Variants in PDE2A observed in about 807,000 individuals in gnomAD.
PDE2A encodes the protein cGMP-dependent 3',5'-cyclic phosphodiesterase.
In PDE2A, 53 loss-of-function variants were observed where a neutral mutation model predicts 133.6. That is an observed-to-expected ratio of 0.40 (90% CI 0.32 to 0.50). The LOEUF (loss-of-function observed/expected upper bound fraction) is 0.50, where lower values mean the gene tolerates loss of function less well. Among genes scored for constraint, PDE2A ranks in the 20% least tolerant of loss-of-function variants. PDE2A has a pLI of 0.73. For synonymous variants in PDE2A, 491 were observed against 490.2 expected (o/e 1.00, Z -0.02); for missense variants, 796 against 1,232.4 (o/e 0.65, Z 5.30).
intron 20 of PDE2A, among the ~76,000 whole-genome samples, chr11:72,583,097 T>G (rs909184272): frequency 7.2e-5 from 11 of 152,208 alleles, no homozygotes; most frequent in Non-Finnish European, 1.6e-4. Flanking sequence ...GCATGGGCAT[T>G]GTACCTAGGG....
chr11:72,590,737 G>A lies in PDE2A; in HGVS notation c.550-157C>T, dbSNP rs1364635293. 6.6e-6 allele frequency among the ~76,000 whole-genome samples: 1 copy of A among 152,132 alleles called. No homozygotes were observed. Among genetic ancestry groups the A allele is most frequent in the Non-Finnish European group, 1.5e-5 (1 of 68,020 alleles). ...CCTCATCCCTGGACTCTACCTTCCTGAGGGCTCCCCCGGGGGCTCCCACAG... is the reference window on the plus strand; with the variant it reads ...CCTCATCCCTGGACTCTACCTTCCTAAGGGCTCCCCCGGGGGCTCCCACAG... On this transcript the variant is annotated intron_variant, in intron 7 of 30. Coordinates refer to ENST00000334456, the MANE Select transcript of PDE2A (RefSeq NM_002599.5). The surrounding 1 kb of genome is among the most constrained non-coding windows in gnomAD (Gnocchi z 4.8).
intron 1 of PDE2A, among the ~76,000 whole-genome samples, chr11:72,654,820 G>A (rs754620289): frequency 1.3e-5 from 2 of 152,112 alleles, no homozygotes; most frequent in African/African-American, 4.8e-5. Flanking sequence ...TTTGTCTGTC[G>A]AGGTCTCCAA....
At chr11:72,635,996 T>C in intron 2 of PDE2A, 1 of 1,248,702 alleles carries the variant, frequency 8.0e-7, no homozygotes, top group African/African-American at 1.5e-5. Flanking sequence ...CTCCCGAAAC[T>C]CCCATGCCCT....
At chr11:72,645,987 T>C (rs1270056332) in intron 1 of PDE2A, among the ~76,000 whole-genome samples, 1 of 152,262 alleles carries the variant, frequency 6.6e-6, no homozygotes, top group Non-Finnish European at 1.5e-5. Context: ...TCCTTGCTTC[T>C]TGAGCAAAGC....
chr11:72,655,492 TGTGTGTGTGTGCACGCAC>T (rs1854870566), intron 1 of PDE2A, among the ~76,000 whole-genome samples: 2 of 111,584 alleles, frequency 1.8e-5, no homozygotes, highest in Admixed American at 1.6e-4. Flanking sequence ...TGAGTGCCTG[TGTGTGTGTGTGCACGCAC>T]GTGTGTGTGT....
chr11:72,593,893 C>T (rs1174749113), intron 6 of PDE2A, among the ~76,000 whole-genome samples: 3 of 152,236 alleles, frequency 2.0e-5, no homozygotes, highest in African/African-American at 2.4e-5. Flanking sequence ...ACGTGTGATC[C>T]TATCCTTATT....
chr11:72,630,976 G>A, intron 2 of PDE2A: 1 of 934,946 alleles, frequency 1.1e-6, no homozygotes, highest in Admixed American at 2.1e-5. Context: ...TGTGACTCCA[G>A]CCTCCCCGTC....
intron 2 of PDE2A, among the ~76,000 whole-genome samples, chr11:72,622,805 C>T (rs969330726): frequency 6.6e-6 from 1 of 152,108 alleles, no homozygotes; most frequent in Non-Finnish European, 1.5e-5. Context: ...CACAACTGAA[C>T]TGTACACTTA....
intron 15 of PDE2A, 47 bp from the exon 16 acceptor site, chr11:72,585,481 C>G: frequency 6.2e-7 from 1 of 1,610,856 alleles, no homozygotes; most frequent in South Asian, 1.1e-5. Context: ...GCTGCCAAGA[C>G]CTCCCGCCTC....
chr11:72,629,497 G>T (rs970234486), intron 2 of PDE2A, among the ~76,000 whole-genome samples: 2 of 152,244 alleles, frequency 1.3e-5, no homozygotes, highest in Non-Finnish European at 2.9e-5. Flanking sequence ...TCTGGGGGGA[G>T]CCCCGCCCCA....
At position 72,577,317 on chromosome 11, in the gene PDE2A, T is replaced by G; in HGVS notation, c.*67A>C. On this transcript the variant is annotated 3_prime_UTR_variant, in exon 31 of 31. Coordinates refer to ENST00000334456, the MANE Select transcript of PDE2A (RefSeq NM_002599.5). ...CCAGGACCCGTGGCTCTGTTCCCAG[T>G]GCATCTGGCCAGACCAGTGGAGGGC... 5 of 1,261,458 alleles carry G rather than the reference T, an allele frequency of 4.0e-6. No individual in the cohort carries two copies. The South Asian group carries it at 6.5e-5, about 17-fold the overall frequency. 78.1% of individuals were successfully genotyped at this position (1,261,458 alleles called of 1,614,324 possible). A position where few individuals can be genotyped will look rare whatever the true frequency, so the allele number is the denominator to read the frequency against.
intron 23 of PDE2A, 97 bp from the exon 24 acceptor site, chr11:72,581,070 C>G: frequency 1.1e-6 from 1 of 895,736 alleles, no homozygotes; most frequent in East Asian, 2.4e-5. Flanking sequence ...TGCCCAGGAG[C>G]CACTGGGACA....
At chr11:72,584,395 G>T (rs781126703) in intron 18 of PDE2A, 82 bp from the exon 19 acceptor site, 2 of 1,227,496 alleles carry the variant, frequency 1.6e-6, no homozygotes, top group Non-Finnish European at 2.4e-6. Context: ...ACCTGCCCTC[G>T]CAGTTTCCGC....
chr11:72,619,410 T>C (rs993413992), intron 2 of PDE2A, among the ~76,000 whole-genome samples: 1 of 152,088 alleles, frequency 6.6e-6, no homozygotes. Flanking sequence ...CATCACATCA[T>C]CATGGCAGAC....
chr11:72,670,689 A>G (rs1478460103), intron 1 of PDE2A, among the ~76,000 whole-genome samples: 1 of 151,874 alleles, frequency 6.6e-6, no homozygotes, highest in African/African-American at 2.4e-5. Flanking sequence ...CTCTGCCTAG[A>G]TGTGTTCTTG....
rs1855547663 is a variant in PDE2A at position 72,578,111 on chromosome 11, C to A, written c.2615+122G>T. On this transcript the variant is annotated intron_variant, in intron 30 of 30. Coordinates refer to ENST00000334456, the MANE Select transcript of PDE2A (RefSeq NM_002599.5). This position sits in a 1 kb window ranked among gnomAD's most constrained non-coding sequence, Gnocchi z 4.2. ...AGCGGGAGACAGTTATGCCCAGAGG[C>A]AAGGGGATGAATCAGTTGGACCTGG... is the stretch of plus-strand genomic sequence containing the variant. The A allele has an allele frequency of 2.8e-6, 2 of 715,208 alleles. No individual in the cohort carries two copies. Among genetic ancestry groups the A allele is most frequent in the Admixed American group, 1.9e-5 (1 of 53,120 alleles). 44.3% of individuals were successfully genotyped at this position (715,208 alleles called of 1,614,324 possible). A position where few individuals can be genotyped will look rare whatever the true frequency, so the allele number is the denominator to read the frequency against.
intron 1 of PDE2A, among the ~76,000 whole-genome samples, chr11:72,659,824 T>G (rs1441558297): frequency 6.6e-6 from 1 of 151,878 alleles, no homozygotes; most frequent in East Asian, 2.0e-4. Context: ...TGTCACCCAC[T>G]CTATGGGTTT....
Position 72,578,866 on chromosome 11 carries a change from C to A in PDE2A, c.2469+31G>T. 7.2e-7 allele frequency: 1 copy of A among 1,394,250 alleles called. No individual in the cohort carries two copies. Among genetic ancestry groups the A allele is most frequent in the Non-Finnish European group, 1.0e-6 (1 of 980,652 alleles). The allele number at this position is 1,394,250 out of a possible 1,614,324, so 86.4% of individuals were successfully genotyped here. A position where few individuals can be genotyped will look rare whatever the true frequency, so the allele number is the denominator to read the frequency against. On this transcript the variant is annotated intron_variant, in intron 28 of 30. Coordinates refer to ENST00000334456, the MANE Select transcript of PDE2A (RefSeq NM_002599.5). This position sits in a 1 kb window ranked among gnomAD's most constrained non-coding sequence, Gnocchi z 4.2. ...ACCCAAAGCTGGGCAGGGTGGGCAG[C>A]CTGTGCCTTCCCAGGGAGGACTACA...
chr11:72,594,941 G>A (rs985914817), intron 6 of PDE2A, among the ~76,000 whole-genome samples: 1 of 152,134 alleles, frequency 6.6e-6, no homozygotes, highest in Non-Finnish European at 1.5e-5. Flanking sequence ...CCTGAAGGCA[G>A]AGTCGGCTCC....
Sources: allele counts gnomAD v4.1 joint callset (sites outside exome capture counted in the v4.1 genomes callset), GRCh38; gene constraint gnomAD v4.1.1; non-coding constraint Gnocchi (gnomAD v3.1); transcripts MANE v1.5; gene names NCBI Gene and HGNC (gene_info 2026-07-23, HGNC 2026-07-21).